Variants in AUTS2 observed in about 807,000 individuals in gnomAD.
AUTS2 encodes autism susceptibility gene 2 protein.
A neutral mutation model predicts 112.4 loss-of-function variants in AUTS2; 17 were observed. The observed-to-expected ratio is 0.15, with a 90% confidence interval of 0.10 to 0.23. The LOEUF is 0.23. AUTS2 is among the 10% of genes least tolerant of loss of function. The pLI is 1.00. For synonymous variants in AUTS2, 751 were observed against 702.7 expected, an observed-to-expected ratio of 1.07 and a Z score of -1.09; for missense variants, 1,510 against 1,701.6, an observed-to-expected ratio of 0.89 and a Z score of 1.98.
intron 1 of AUTS2, among the ~76,000 whole-genome samples, chr7:69,826,781 A>T (rs1242361644): frequency 6.6e-6 from 1 of 152,186 alleles, no homozygotes; most frequent in Admixed American, 6.5e-5. Context: ...GTCTAGGATG[A>T]TAATGTTAAA....
intron 4 of AUTS2, among the ~76,000 whole-genome samples, chr7:70,398,760 A>G (rs1052985126): frequency 6.6e-6 from 1 of 152,136 alleles, no homozygotes; most frequent in Non-Finnish European, 1.5e-5. Flanking sequence ...ACAATATTTA[A>G]TAGAGGTGAG....
chr7:69,602,959 C>G (rs999290416), intron 1 of AUTS2, among the ~76,000 whole-genome samples: 7 of 152,114 alleles, frequency 4.6e-5, no homozygotes, highest in African/African-American at 1.4e-4. Flanking sequence ...TGAACTATCA[C>G]CAAGAAATGT....
At chr7:70,217,628 G>T (rs1334240750) in intron 4 of AUTS2, among the ~76,000 whole-genome samples, 1 of 152,178 alleles carries the variant, frequency 6.6e-6, no homozygotes. Flanking sequence ...ATGAGGTAAA[G>T]GTTATTCATC....
intron 1 of AUTS2, among the ~76,000 whole-genome samples, chr7:69,828,869 C>T (rs1040366510): frequency 6.6e-6 from 1 of 152,144 alleles, no homozygotes; most frequent in African/African-American, 2.4e-5. Context: ...TGATACATAA[C>T]TCCTAAAACA....
intron 5 of AUTS2, among the ~76,000 whole-genome samples, chr7:70,560,160 A>G (rs139517428): frequency 4.6e-5 from 7 of 152,300 alleles, no homozygotes; most frequent in Admixed American, 3.9e-4. Flanking sequence ...ACTTCATTCA[A>G]ATGTCATCTC....
intron 13 of AUTS2, 124 bp from the exon 14 acceptor site, chr7:70,776,979 C>A: frequency 1.2e-6 from 1 of 854,062 alleles, no homozygotes; most frequent in South Asian, 1.4e-5. Flanking sequence ...TTGGAGAGTA[C>A]AAAGCACTCT....
At chr7:69,961,949 G>A (rs548062110) in intron 2 of AUTS2, among the ~76,000 whole-genome samples, 2 of 152,248 alleles carry the variant, frequency 1.3e-5, no homozygotes, top group South Asian at 4.1e-4. Flanking sequence ...ATTGGTTCAA[G>A]CATTGAACAC....
chr7:69,779,612 A>G (rs976946946), intron 1 of AUTS2, among the ~76,000 whole-genome samples: 1 of 151,806 alleles, frequency 6.6e-6, no homozygotes, highest in Non-Finnish European at 1.5e-5. Flanking sequence ...AAATACAAAA[A>G]TATAGCTGGG....
intron 5 of AUTS2, among the ~76,000 whole-genome samples, chr7:70,534,896 C>T (rs1016250775): frequency 6.6e-6 from 1 of 151,700 alleles, no homozygotes; most frequent in Non-Finnish European, 1.5e-5. Context: ...TTCAGAATGT[C>T]ACGAACTGGT....
chr7:69,748,761 G>C (rs1014145697), intron 1 of AUTS2, among the ~76,000 whole-genome samples: 4 of 152,202 alleles, frequency 2.6e-5, no homozygotes, highest in Non-Finnish European at 5.9e-5. Context: ...TTAGAGGAAA[G>C]TGGGTCATCA....
chr7:69,854,050 ACT>A (rs1792608704), intron 1 of AUTS2, among the ~76,000 whole-genome samples: 1 of 152,110 alleles, frequency 6.6e-6, no homozygotes, highest in Admixed American at 6.5e-5. Flanking sequence ...CTTTGACACC[ACT>A]CTACCCTTTT....
chr7:70,486,974 C>T (rs545890135), intron 5 of AUTS2, among the ~76,000 whole-genome samples: 11 of 151,084 alleles, frequency 7.3e-5, no homozygotes, highest in Non-Finnish European at 1.2e-4. Context: ...TTCTAGGCCC[C>T]ACAGGGCCTT....
At chr7:70,358,047 G>A (rs1248659232) in intron 4 of AUTS2, among the ~76,000 whole-genome samples, 10 of 152,160 alleles carry the variant, frequency 6.6e-5, no homozygotes, top group African/African-American at 2.4e-4. Flanking sequence ...GATGACGTGG[G>A]GCTATGGATG....
At chr7:70,514,231 G>A (rs1799322555) in intron 5 of AUTS2, among the ~76,000 whole-genome samples, 1 of 152,178 alleles carries the variant, frequency 6.6e-6, no homozygotes, top group Non-Finnish European at 1.5e-5. Flanking sequence ...TAATGACGAA[G>A]TCCACAGTCA....
At position 70,791,318 on chromosome 7, in the gene AUTS2, G is replaced by C. The variant is rs1431200281; in HGVS notation, c.*322G>C. 1 of 215,022 alleles carries C rather than the reference G, an allele frequency of 4.7e-6. No individual in the cohort carries two copies. The highest frequency in any genetic ancestry group is 9.1e-6 in the Non-Finnish European group (1 of 110,076). The allele number at this position is 215,022 out of a possible 1,614,324, so 13.3% of individuals were successfully genotyped here. ...TGATAATTGTAGCGGGGGCGGTGGG[G>C]GGGAGAAGTCCACGCCATCCATCAT... On this transcript the variant is annotated 3_prime_UTR_variant, in exon 19 of 19. Transcript: ENST00000342771.
intron 5 of AUTS2, among the ~76,000 whole-genome samples, chr7:70,474,627 TC>T (rs1461799469): frequency 6.6e-6 from 1 of 152,220 alleles, no homozygotes; most frequent in Non-Finnish European, 1.5e-5. Flanking sequence ...CCTCATTTAT[TC>T]GTCTTATTTA....
At chr7:70,670,736 G>A (rs1000665142) in intron 5 of AUTS2, among the ~76,000 whole-genome samples, 1 of 152,124 alleles carries the variant, frequency 6.6e-6, no homozygotes, top group African/African-American at 2.4e-5. Flanking sequence ...TAGGATAAAA[G>A]AATAAACAAC....
At chr7:69,896,453 T>A (rs570949320) in intron 1 of AUTS2, among the ~76,000 whole-genome samples, 20 of 152,250 alleles carry the variant, frequency 1.3e-4, no homozygotes, top group African/African-American at 4.6e-4. Context: ...GATATCTTCT[T>A]ACTCTTAAGG....
At chr7:69,645,553 A>G (rs778478132) in intron 1 of AUTS2, among the ~76,000 whole-genome samples, 115 of 152,224 alleles carry the variant, frequency 7.6e-4, no homozygotes, top group Non-Finnish European at 1.5e-3. Flanking sequence ...TTGAAAACAA[A>G]CATTAAACAA....
Sources: gnomAD v4.1 joint callset for allele counts (sites outside exome capture counted in the v4.1 genomes callset) on GRCh38, gnomAD v4.1.1 for gene constraint, MANE v1.5 for transcripts, NCBI Gene and HGNC (gene_info 2026-07-23, HGNC 2026-07-21) for gene names.